Variants in ITGA1 observed in about 807,000 individuals in gnomAD.
ITGA1 encodes the protein integrin alpha-1.
ITGA1 carries 85 observed loss-of-function variants against 145.9 expected under a neutral mutation model. That is an observed-to-expected ratio of 0.58 (90% CI 0.49 to 0.70). ITGA1 has a LOEUF of 0.70. Among genes scored for constraint, ITGA1 ranks in the 30% least tolerant of loss-of-function variants. The probability of loss-of-function intolerance (pLI) is 0.00; values close to 1 mark genes in which losing one functional copy is unlikely to be tolerated. For synonymous variants in ITGA1, 520 were observed against 495.3 expected, an observed-to-expected ratio of 1.05 and a Z score of -0.66; for missense variants, 1,351 against 1,418.7, an observed-to-expected ratio of 0.95 and a Z score of 0.77.
chr5:52,922,670 A>T, intron 17 of ITGA1, 107 bp from the exon 18 acceptor site: 1 of 721,434 alleles, frequency 1.4e-6, no homozygotes, highest in Non-Finnish European at 2.4e-6. Flanking sequence ...GATGCACAAG[A>T]ATGCTGCAGT....
intron 1 of ITGA1, among the ~76,000 whole-genome samples, chr5:52,818,248 G>T (rs1349109897): frequency 6.6e-6 from 1 of 152,070 alleles, no homozygotes; most frequent in African/African-American, 2.4e-5. Context: ...AAAAAAAATG[G>T]TATGGTTCTC....
At chr5:52,811,895 A>G (rs1283389666) in intron 1 of ITGA1, among the ~76,000 whole-genome samples, 2 of 152,136 alleles carry the variant, frequency 1.3e-5, no homozygotes, top group Admixed American at 6.5e-5. Context: ...GGCGGCACCA[A>G]TCACCTAGGG....
chr5:52,847,694 A>AG (rs1246453253), intron 1 of ITGA1, among the ~76,000 whole-genome samples: 1 of 152,166 alleles, frequency 6.6e-6, no homozygotes, highest in Non-Finnish European at 1.5e-5. Context: ...CTGGGACTAC[A>AG]GGGGCATGCC....
intron 11 of ITGA1, among the ~76,000 whole-genome samples, chr5:52,901,367 T>C (rs184430607): frequency 1.3e-5 from 2 of 152,164 alleles, no homozygotes; most frequent in Admixed American, 1.3e-4. Flanking sequence ...ATAAACAGAA[T>C]GGTAAGATAA....
intron 13 of ITGA1, among the ~76,000 whole-genome samples, chr5:52,909,594 C>T (rs1332724160): frequency 6.6e-6 from 1 of 152,058 alleles, no homozygotes; most frequent in Non-Finnish European, 1.5e-5. Flanking sequence ...ATCTATTTAG[C>T]TTTTCCAAAT....
intron 8 of ITGA1, among the ~76,000 whole-genome samples, chr5:52,888,517 C>A (rs1186589287): frequency 6.8e-6 from 1 of 146,168 alleles, no homozygotes; most frequent in African/African-American, 2.5e-5. Flanking sequence ...ATATTAACAA[C>A]TTCTGACGTT....
At chr5:52,868,681 A>C (rs1160332804) in intron 6 of ITGA1, among the ~76,000 whole-genome samples, 1 of 152,208 alleles carries the variant, frequency 6.6e-6, no homozygotes, top group Non-Finnish European at 1.5e-5. Flanking sequence ...ACCCTGCAGC[A>C]GAAGAGTTCA....
intron 1 of ITGA1, among the ~76,000 whole-genome samples, chr5:52,826,928 C>T (rs1342679376): frequency 1.3e-5 from 2 of 152,016 alleles, no homozygotes; most frequent in African/African-American, 4.8e-5. Flanking sequence ...TCATTCTGTA[C>T]CCATCTATCA....
At position 52,929,632 on chromosome 5, in the gene ITGA1, T is replaced by C. The variant is rs753626363; in HGVS notation, c.2702T>C (p.Phe901Ser). Reference protein sequence around the residue: ...PFLRRGEMVTFKILFQFNTSY... With the variant: ...PFLRRGEMVTSKILFQFNTSY... Reference sequence around the variant, plus strand: ...CATATTTTTATTTTATAGGTAACTTTCAAAATATTGTTTCAGTTTAACACA... The same window carrying C: ...CATATTTTTATTTTATAGGTAACTTCCAAAATATTGTTTCAGTTTAACACA... The change falls in exon 21 of 29, where the codon TTC becomes TCC. Residue 901 changes from phenylalanine (F) to serine (S), a missense_variant. Coordinates refer to ENST00000282588, the MANE Select transcript of ITGA1 (RefSeq NM_181501.2). 11 of 1,529,138 alleles carry C rather than the reference T, an allele frequency of 7.2e-6. No individual in the cohort carries two copies. In the East Asian group the frequency reaches 2.5e-4, roughly 35 times the overall value. The allele number at this position is 1,529,138 out of a possible 1,614,324, so 94.7% of individuals were successfully genotyped here.
At chr5:52,919,197 T>C (rs1398667988) in intron 16 of ITGA1, among the ~76,000 whole-genome samples, 1 of 152,172 alleles carries the variant, frequency 6.6e-6, no homozygotes, top group African/African-American at 2.4e-5. Flanking sequence ...AAAATACCGA[T>C]TCAGAGGTAG....
chr5:52,875,009 A>G (rs1749843613), intron 6 of ITGA1, among the ~76,000 whole-genome samples: 1 of 152,170 alleles, frequency 6.6e-6, no homozygotes, highest in South Asian at 2.1e-4. Flanking sequence ...TCCACAATGC[A>G]TGTTTTTAAA....
intron 12 of ITGA1, 134 bp downstream of exon 12, chr5:52,906,042 G>A (rs147993921): frequency 2.8e-6 from 2 of 702,128 alleles, no homozygotes; most frequent in East Asian, 5.6e-5. Context: ...CCTGTGTTAG[G>A]TTCTTTGGAA....
At chr5:52,947,001 C>T (rs1245649210) in intron 27 of ITGA1, among the ~76,000 whole-genome samples, 1 of 152,186 alleles carries the variant, frequency 6.6e-6, no homozygotes, top group East Asian at 1.9e-4. Flanking sequence ...TGTGATAATA[C>T]AGTAGTGTAC....
At chr5:52,932,421 C>T (rs1029468520) in intron 22 of ITGA1, 2 of 242,262 alleles carry the variant, frequency 8.3e-6, no homozygotes, top group Non-Finnish European at 1.6e-5. Flanking sequence ...TCTTAATTCC[C>T]GAATGCAAGT....
At chr5:52,879,960 A>AT (rs1360645696) in intron 6 of ITGA1, among the ~76,000 whole-genome samples, 2 of 152,192 alleles carry the variant, frequency 1.3e-5, no homozygotes, top group East Asian at 3.8e-4. Context: ...ATGTTCTATT[A>AT]TTTTTTACAA....
At chr5:52,811,733 T>C (rs1748686496) in intron 1 of ITGA1, among the ~76,000 whole-genome samples, 1 of 152,220 alleles carries the variant, frequency 6.6e-6, no homozygotes, top group South Asian at 2.1e-4. Flanking sequence ...TTCAATGGCA[T>C]GTCAAGTTGC....
intron 6 of ITGA1, among the ~76,000 whole-genome samples, chr5:52,874,054 A>C (rs1749826867): frequency 6.6e-6 from 1 of 151,756 alleles, no homozygotes; most frequent in Admixed American, 6.6e-5. Context: ...ACCCAAGACT[A>C]GACAATTTGA....
chr5:52,861,688 T>A (rs1580067452), intron 3 of ITGA1, 129 bp downstream of exon 3: 2 of 628,326 alleles, frequency 3.2e-6, no homozygotes, highest in African/African-American at 3.7e-5. Context: ...CTGGGCAACC[T>A]GACGAAACCT....
chr5:52,920,753 T>C (rs1222913294), intron 17 of ITGA1, among the ~76,000 whole-genome samples: 1 of 152,216 alleles, frequency 6.6e-6, no homozygotes, highest in East Asian at 1.9e-4. Context: ...AGAAACCTTA[T>C]TCATGTCTTC....
Sources: gnomAD v4.1 joint callset for allele counts (sites outside exome capture counted in the v4.1 genomes callset) on GRCh38, gnomAD v4.1.1 for gene constraint, MANE v1.5 for transcripts, NCBI Gene and HGNC (gene_info 2026-07-23, HGNC 2026-07-21) for gene names.